CSMD2: variants seen among roughly 807,000 people sequenced by gnomAD.
CSMD2 encodes CUB and sushi domain-containing protein 2.
A neutral mutation model predicts 398.5 loss-of-function variants in CSMD2; 130 were observed. That is an observed-to-expected ratio of 0.33 (90% CI 0.28 to 0.38). CSMD2 has a LOEUF of 0.38. Ranked by LOEUF, CSMD2 falls within the 10% of genes least tolerant of loss-of-function variation. The pLI, the probability that CSMD2 is intolerant of heterozygous loss-of-function variation, is 1.00. For missense variants in CSMD2, 3,829 were observed against 4,764.9 expected (o/e 0.80, Z 5.78); for synonymous variants, 1,828 against 1,908.5 (o/e 0.96, Z 1.10).
rs1317098549 is a variant in CSMD2, at chr1:33,553,802, T to G, written c.8744-3452A>C. Reference sequence around the variant, plus strand: ...TGGAGAAAGTTTGAGTAAGTCTTTATTGTAGGGGGCTGTCCTGTGCATTGT... The same window carrying G: ...TGGAGAAAGTTTGAGTAAGTCTTTAGTGTAGGGGGCTGTCCTGTGCATTGT... On this transcript the variant is annotated intron_variant, in intron 55 of 70. Transcript: ENST00000373381. Among the ~76,000 whole-genome samples the G allele has an allele frequency of 2.0e-5, 3 of 152,148 alleles. No individual in the cohort carries two copies. The South Asian group carries it at 6.2e-4, about 32-fold the overall frequency.
intron 31 of CSMD2, among the ~76,000 whole-genome samples, chr1:33,634,941 A>G (rs1303552448): frequency 2.6e-5 from 4 of 151,924 alleles, no homozygotes; most frequent in African/African-American, 7.3e-5. Flanking sequence ...CCCCTGGGGC[A>G]CCTTGCCTTC....
intron 12 of CSMD2, among the ~76,000 whole-genome samples, chr1:33,775,467 C>T (rs1321176492): frequency 6.6e-6 from 1 of 152,078 alleles, no homozygotes; most frequent in Non-Finnish European, 1.5e-5. Context: ...CTCACCTGAC[C>T]CTAGTCCCAG....
At chr1:33,881,273 T>C (rs1038899390) in intron 5 of CSMD2, among the ~76,000 whole-genome samples, 8 of 152,320 alleles carry the variant, frequency 5.3e-5, no homozygotes, top group African/African-American at 1.9e-4. Context: ...TCTTCCCTCC[T>C]TGGGGTTCCC....
At chr1:33,658,523 G>A (rs116102509) in intron 26 of CSMD2, among the ~76,000 whole-genome samples, 40 of 152,322 alleles carry the variant, frequency 2.6e-4, no homozygotes, top group African/African-American at 9.1e-4. Context: ...TTTGTATAAT[G>A]TAACTAACAT....
At chr1:33,617,871 G>C (rs1323285537) in intron 37 of CSMD2, among the ~76,000 whole-genome samples, 3 of 152,116 alleles carry the variant, frequency 2.0e-5, no homozygotes, top group Non-Finnish European at 4.4e-5. Flanking sequence ...GGGGATGCTG[G>C]CTGTCCTGTC....
chr1:33,883,206 G>T (rs724123), intron 5 of CSMD2, among the ~76,000 whole-genome samples: 127,755 of 152,190 alleles, frequency 0.84, 54,131 homozygotes, highest in African/African-American at 0.96. Context: ...CAAAAACAGG[G>T]GCCATTTTCC....
chr1:34,130,977 C>T (rs1279410572), intron 1 of CSMD2, among the ~76,000 whole-genome samples: 2 of 152,082 alleles, frequency 1.3e-5, no homozygotes, highest in East Asian at 3.9e-4. Context: ...TGTATCTCCC[C>T]ACCAGATAGA....
intron 13 of CSMD2, among the ~76,000 whole-genome samples, chr1:33,767,440 A>C (rs971064261): frequency 6.6e-6 from 1 of 152,230 alleles, no homozygotes; most frequent in African/African-American, 2.4e-5. Flanking sequence ...CTTGAGCTCC[A>C]GATACGTCTA....
rs114822576 is a variant in CSMD2 at position 33,737,967 on chromosome 1, T to C, written c.2368+1173A>G. Among the ~76,000 whole-genome samples the C allele has an allele frequency of 6.5e-3, 996 of 152,140 alleles. 21 individuals carry two copies. Among genetic ancestry groups the C allele is most frequent in the African/African-American group, 0.023 (954 of 41,508 alleles). Reference sequence around the variant, plus strand: ...AAATACAAAGGCTCAAGGGGAAAAGTGAATTGCCAGGATCCCAGCTTGGGC... The same window carrying C: ...AAATACAAAGGCTCAAGGGGAAAAGCGAATTGCCAGGATCCCAGCTTGGGC... On this transcript the variant is annotated intron_variant, in intron 15 of 70. Coordinates refer to ENST00000373381, the MANE Select transcript of CSMD2 (RefSeq NM_001281956.2).
intron 3 of CSMD2, among the ~76,000 whole-genome samples, chr1:33,953,082 C>A (rs2125374501): frequency 6.6e-6 from 1 of 152,338 alleles, no homozygotes; most frequent in Non-Finnish European, 1.5e-5. Context: ...TTTCCTAGAC[C>A]TCCCTGCAGT....
chr1:34,070,951 G>C (rs1655674108), intron 2 of CSMD2, among the ~76,000 whole-genome samples: 1 of 152,192 alleles, frequency 6.6e-6, no homozygotes, highest in South Asian at 2.1e-4. Flanking sequence ...GGGAGAAGTT[G>C]TATGCAGCTC....
chr1:34,039,196 C>A (rs1481378788), intron 2 of CSMD2, among the ~76,000 whole-genome samples: 1 of 152,182 alleles, frequency 6.6e-6, no homozygotes, highest in African/African-American at 2.4e-5. Flanking sequence ...GCACCTCCCA[C>A]CCCTGTGGAG....
chr1:33,911,880 T>C lies in CSMD2; in HGVS notation c.920+6214A>G, dbSNP rs1339810126. ...GACAGCATCTTCCTTAGAGAATTTC[T>C]GGGACTATTTCTTCTTGGACTGTGT... On this transcript the variant is annotated intron_variant, in intron 5 of 70. Coordinates refer to ENST00000373381, the MANE Select transcript of CSMD2 (RefSeq NM_001281956.2). Among the ~76,000 whole-genome samples, 8 of 152,354 alleles carry C rather than the reference T, an allele frequency of 5.3e-5. No individual in the cohort carries two copies. In the East Asian group the frequency reaches 1.5e-3, roughly 29 times the overall value.
intron 5 of CSMD2, among the ~76,000 whole-genome samples, chr1:33,850,646 T>C (rs1638639658): frequency 6.6e-6 from 1 of 152,170 alleles, no homozygotes; most frequent in African/African-American, 2.4e-5. Flanking sequence ...TTCAAACCTT[T>C]CTGTCCACAT....
chr1:34,136,159 T>G (rs1445633483), intron 1 of CSMD2, among the ~76,000 whole-genome samples: 1 of 152,222 alleles, frequency 6.6e-6, no homozygotes, highest in African/African-American at 2.4e-5. Flanking sequence ...ATACTTTATC[T>G]TCAGTCACAC....
intron 1 of CSMD2, among the ~76,000 whole-genome samples, chr1:34,123,323 C>T (rs766860764): frequency 2.0e-5 from 3 of 152,158 alleles, no homozygotes; most frequent in South Asian, 2.1e-4. Flanking sequence ...TTCCAGAGAG[C>T]GGAACACGTG....
intron 10 of CSMD2, chr1:33,804,834 AGACTTT>A (rs1656033887): frequency 2.8e-6 from 2 of 717,302 alleles, no homozygotes. Context: ...CCTCAGTCTT[AGACTTT>A]GAGTTTCCAC....
intron 2 of CSMD2, among the ~76,000 whole-genome samples, chr1:34,043,435 T>C (rs1458922117): frequency 6.6e-6 from 1 of 152,058 alleles, no homozygotes; most frequent in Admixed American, 6.6e-5. Context: ...GAGAATAGAG[T>C]ACTTCTACTT....
chr1:34,022,980 T>TACC (rs1490695308), intron 3 of CSMD2, among the ~76,000 whole-genome samples: 2 of 152,088 alleles, frequency 1.3e-5, no homozygotes, highest in East Asian at 3.9e-4. Context: ...TACGGGTACA[T>TACC]ACCACCATGC....
Sources: gnomAD v4.1 joint callset for allele counts (sites outside exome capture counted in the v4.1 genomes callset) on GRCh38, gnomAD v4.1.1 for gene constraint, MANE v1.5 for transcripts, NCBI Gene and HGNC (gene_info 2026-07-23, HGNC 2026-07-21) for gene names.